ZCCHC14: variants seen among roughly 807,000 people sequenced by gnomAD.
ZCCHC14 encodes the protein zinc finger CCHC-type containing 14, also known as zinc finger CCHC domain-containing protein 14.
ZCCHC14 carries 16 observed loss-of-function variants against 85.0 expected under a neutral mutation model. The ratio of observed to expected loss-of-function variants is 0.19; its 90% CI spans 0.13 to 0.29. The LOEUF is 0.29. Ranked by LOEUF, ZCCHC14 falls within the 10% of genes least tolerant of loss-of-function variation. The probability of loss-of-function intolerance (pLI) is 1.00; values close to 1 mark genes in which losing one functional copy is unlikely to be tolerated. For missense variants in ZCCHC14, 1,303 were observed against 1,443.5 expected (o/e 0.90, Z 1.58); for synonymous variants, 775 against 630.7 (o/e 1.23, Z -3.43).
Position 87,412,108 on chromosome 16 carries a change from C to T in ZCCHC14, c.2613G>A (p.Ala871=), listed in dbSNP as rs142665318. 7.4e-6 allele frequency: 12 copies of T among 1,613,316 alleles called. No individual in the cohort carries two copies. In the African/African-American group the frequency reaches 1.1e-4, roughly 14 times the overall value. ...AACTGCTTTCAGGGACGGAGGACAG[C>T]GCCGGGCTGGAGCTGGGGGCTGGGC... ...PSCPAPSSSP[A]LSSVPESSFY... The change falls in exon 12 of 13, where the codon GCG becomes GCA. Residue 871 remains alanine (A), a synonymous_variant. Coordinates refer to ENST00000671377, the MANE Select transcript of ZCCHC14 (RefSeq NM_015144.3).
At chr16:87,461,283 G>A (rs770708737) in intron 1 of ZCCHC14, among the ~76,000 whole-genome samples, 4 of 152,140 alleles carry the variant, frequency 2.6e-5, no homozygotes, top group Non-Finnish European at 5.9e-5. Context: ...AGAGGAGGGG[G>A]GTAGCAATAA....
intron 1 of ZCCHC14, among the ~76,000 whole-genome samples, chr16:87,475,687 A>G (rs1911974558): frequency 6.6e-6 from 1 of 152,226 alleles, no homozygotes; most frequent in Non-Finnish European, 1.5e-5. Flanking sequence ...AGATGGATCA[A>G]TAAAAAGTAT....
intron 1 of ZCCHC14, chr16:87,471,212 T>G (rs1911757614): frequency 6.6e-6 from 1 of 152,202 alleles, no homozygotes; most frequent in Non-Finnish European, 1.5e-5. Flanking sequence ...ACTTTTAAGT[T>G]AACGTAAAAA....
At chr16:87,467,476 G>A in intron 1 of ZCCHC14, 1 of 1,606,424 alleles carries the variant, frequency 6.2e-7, no homozygotes, top group Non-Finnish European at 8.5e-7. Context: ...AGTACCTCTG[G>A]AGGACAGATG....
chr16:87,475,548 G>A (rs966620742), intron 1 of ZCCHC14, among the ~76,000 whole-genome samples: 33 of 101,628 alleles, frequency 3.2e-4, no homozygotes, highest in Admixed American at 1.3e-3. Context: ...GCAAGACTCT[G>A]TCTTAAAAAA....
At position 87,458,111 on chromosome 16, in the gene ZCCHC14, AAAAG is replaced by A. The variant is rs1911065249; in HGVS notation, c.694+1893_694+1896del. 7.9e-5 allele frequency among the ~76,000 whole-genome samples: 12 copies of A among 152,296 alleles called. No homozygotes were observed. In the South Asian group the frequency reaches 2.5e-3, roughly 32 times the overall value. On this transcript the variant is annotated intron_variant, in intron 2 of 12. Coordinates refer to ENST00000671377, the MANE Select transcript of ZCCHC14 (RefSeq NM_015144.3). ...TTTGAAATTATACAGAAAAAAAAAA[AAAAG>A]AATGGGGATGTCAATAATTACATCC...
chr16:87,438,115 G>A (rs1017450435), intron 2 of ZCCHC14, among the ~76,000 whole-genome samples: 3 of 152,262 alleles, frequency 2.0e-5, no homozygotes, highest in African/African-American at 7.2e-5. Flanking sequence ...AGCGGGTACA[G>A]TAGCTTAGGA....
chr16:87,457,082 C>G (rs1461971686), intron 2 of ZCCHC14, among the ~76,000 whole-genome samples: 2 of 152,194 alleles, frequency 1.3e-5, no homozygotes, highest in African/African-American at 4.8e-5. Context: ...CACCGCAGTT[C>G]TCAGCCACAC....
chr16:87,467,800 C>T, intron 1 of ZCCHC14: 1 of 467,638 alleles, frequency 2.1e-6, no homozygotes, highest in Non-Finnish European at 3.9e-6. Context: ...TACAGGCGCG[C>T]ACCACCACGC....
chr16:87,414,300 G>C, intron 10 of ZCCHC14, 114 bp downstream of exon 10: 2 of 1,468,250 alleles, frequency 1.4e-6, no homozygotes, highest in Admixed American at 1.8e-5. Context: ...CTGTGTACGA[G>C]TAACCCATCT....
In ZCCHC14 at chr16:87,420,949, A is replaced by G. The variant is rs182868239; in HGVS notation, c.841-233T>C. On this transcript the variant is annotated intron_variant, in intron 4 of 12. Coordinates refer to ENST00000671377, the MANE Select transcript of ZCCHC14 (RefSeq NM_015144.3). This position sits in a 1 kb window ranked among gnomAD's most constrained non-coding sequence, Gnocchi z 5.0. ...CCGGAAAAGCTTGACAATCTGCACA[A>G]TCACAATGTTCCTTGAGCCCATCTG... 1.5e-3 allele frequency among the ~76,000 whole-genome samples: 222 copies of G among 152,346 alleles called. No individual in the cohort carries two copies. The highest frequency in any genetic ancestry group is 5.1e-3 in the African/African-American group (212 of 41,586).
At chr16:87,475,306 C>A (rs1911953723) in intron 1 of ZCCHC14, among the ~76,000 whole-genome samples, 2 of 152,092 alleles carry the variant, frequency 1.3e-5, no homozygotes, top group African/African-American at 4.8e-5. Context: ...AATCTCAGCA[C>A]TTAGGGAGGC....
In ZCCHC14 at chr16:87,412,176, G is replaced by C; in HGVS notation, c.2545C>G (p.His849Asp). ...ATGTTGGCAAAGGACGTGGAGGGGT[G>C]GCTGCTGGGAGAGGCAGTGTTGCTG... is the stretch of plus-strand genomic sequence containing the variant. ...ANSNTASPSS[H>D]PSTSFANMAT... Residue 849 changes from histidine to aspartate, a missense_variant, in exon 12 of 13, where the codon CAC (histidine) becomes GAC (aspartate). By Grantham distance (81) the His-to-Asp change is moderately conservative (BLOSUM62 -1). Transcript: ENST00000671377. 1.9e-6 allele frequency: 3 copies of C among 1,614,076 alleles called. No homozygotes were observed. The highest frequency in any genetic ancestry group is 2.5e-6 in the Non-Finnish European group (3 of 1,180,032).
chr16:87,444,928 T>G (rs75080401), intron 2 of ZCCHC14, among the ~76,000 whole-genome samples: 1,615 of 152,268 alleles, frequency 0.011, 10 homozygotes, highest in Middle Eastern at 0.037. Context: ...TGGCAGTACT[T>G]ATTGTTTGCA....
intron 3 of ZCCHC14, among the ~76,000 whole-genome samples, chr16:87,425,380 C>T (rs1909316680): frequency 1.3e-5 from 2 of 152,036 alleles, no homozygotes; most frequent in Non-Finnish European, 2.9e-5. Context: ...AGTTCAAGAC[C>T]AGCCTGACCA....
At chr16:87,417,777 T>C (rs1276955885) in intron 7 of ZCCHC14, 35 bp from the exon 8 acceptor site, 12 of 1,530,002 alleles carry the variant, frequency 7.8e-6, no homozygotes, top group Non-Finnish European at 9.6e-6. Context: ...ACAGAGAGAC[T>C]GTGGCTTCCA....
At chr16:87,481,252 A>T (rs1007943383) in intron 1 of ZCCHC14, among the ~76,000 whole-genome samples, 29 of 152,082 alleles carry the variant, frequency 1.9e-4, no homozygotes, top group African/African-American at 6.8e-4. Context: ...TAAGGTACCA[A>T]TGCTTCTGAA....
rs556972251 is a variant in ZCCHC14, at chr16:87,420,128, C to G, written c.951-251G>C. ...TGACGACAGCAGTCATGCCCTGTGACATGAGATCAGTGCCACCCACCAGCC... is the reference window on the plus strand; with the variant it reads ...TGACGACAGCAGTCATGCCCTGTGAGATGAGATCAGTGCCACCCACCAGCC... On this transcript the variant is annotated intron_variant, in intron 5 of 12. Transcript: ENST00000671377. The surrounding 1 kb of genome is among the most constrained non-coding windows in gnomAD (Gnocchi z 5.0). Among the ~76,000 whole-genome samples, 1 of 152,300 alleles carries G rather than the reference C, an allele frequency of 6.6e-6. No individual in the cohort carries two copies. The highest frequency in any genetic ancestry group is 2.4e-5 in the African/African-American group (1 of 41,574).
At chr16:87,475,616 A>G (rs1911971130) in intron 1 of ZCCHC14, among the ~76,000 whole-genome samples, 1 of 152,078 alleles carries the variant, frequency 6.6e-6, no homozygotes, top group South Asian at 2.1e-4. Context: ...TAAACGAAGA[A>G]AAATCCTGTG....
Sources: gnomAD v4.1 joint callset for allele counts (sites outside exome capture counted in the v4.1 genomes callset) on GRCh38, gnomAD v4.1.1 for gene constraint, Gnocchi (gnomAD v3.1) non-coding constraint, MANE v1.5 for transcripts, NCBI Gene and HGNC (gene_info 2026-07-23, HGNC 2026-07-21) for gene names.